The following CDKN2B variants were observed in gnomAD, a reference collection of about 807,000 sequenced individuals.
CDKN2B encodes cyclin-dependent kinase 4 inhibitor B.
In CDKN2B, 8 loss-of-function variants were observed where a neutral mutation model predicts 7.7. The ratio of observed to expected loss-of-function variants is 1.04; its 90% CI spans 0.61 to 1.87. The LOEUF is 1.87. Ranked by LOEUF, CDKN2B falls within the 40% of genes most tolerant of loss-of-function variation. The pLI is 0.00. For missense variants in CDKN2B, 244 were observed against 213.1 expected (o/e 1.15, Z -0.90); for synonymous variants, 93 against 95.8 (o/e 0.97, Z 0.17).
intron 1 of CDKN2B, 105 bp downstream of exon 1, chr9:22,008,693 C>T (rs756160608): frequency 6.2e-7 from 1 of 1,611,036 alleles, no homozygotes; most frequent in Admixed American, 1.7e-5. Flanking sequence ...AACGGAGACT[C>T]CTGTACAAAT....
At position 22,006,804 on chromosome 9, in the gene CDKN2B, C is replaced by G. The variant is rs1184760084; in HGVS notation, c.157-557G>C. Among the ~76,000 whole-genome samples the G allele has an allele frequency of 1.3e-5, 2 of 151,364 alleles. No homozygotes were observed. Among genetic ancestry groups the G allele is most frequent in the East Asian group, 1.9e-4 (1 of 5,150 alleles). On this transcript the variant is annotated intron_variant, in intron 1 of 1. Transcript: ENST00000276925. This position sits in a 1 kb window ranked among gnomAD's most constrained non-coding sequence, Gnocchi z 6.4. ...CTCATAGCAAATCCCGTGCGGAAGG[C>G]TTTTGTTTGTCATGTGTCTGAGCTC...
At position 22,009,053 on chromosome 9, in the gene CDKN2B, C is replaced by G; in HGVS notation, c.-100G>C. 6.4e-7 allele frequency: 1 copy of G among 1,566,060 alleles called. No individual in the cohort carries two copies. The highest frequency in any genetic ancestry group is 1.7e-5 in the Admixed American group (1 of 59,148). On this transcript the variant is annotated 5_prime_UTR_variant, in exon 1 of 2. Coordinates refer to ENST00000276925, the MANE Select transcript of CDKN2B (RefSeq NM_004936.4). The stretch of plus-strand genomic sequence containing the variant: ...TTCCCACGCTGCTCCGGCGCACTCT[C>G]TCCTTCCTAGGAGACCTGGGCTCAG...
chr9:22,009,272 G>A lies in CDKN2B; in HGVS notation c.-319C>T, dbSNP rs1821370502. ...GGCCGCAGGGTGCGGACGCGTCGCG[G>A]AGTCCTCACTGCCCCGCCTCGCTCT... On this transcript the variant is annotated 5_prime_UTR_variant, in exon 1 of 2. Coordinates refer to ENST00000276925, the MANE Select transcript of CDKN2B (RefSeq NM_004936.4). 1 of 513,180 alleles carries A rather than the reference G, an allele frequency of 1.9e-6. No homozygotes were observed. The highest frequency in any genetic ancestry group is 3.6e-5 in the Admixed American group (1 of 28,120). 31.8% of individuals were successfully genotyped at this position (513,180 alleles called of 1,614,324 possible).
At chr9:22,008,353 A>G (rs2131188039) in intron 1 of CDKN2B, among the ~76,000 whole-genome samples, 1 of 152,346 alleles carries the variant, frequency 6.6e-6, no homozygotes, top group Non-Finnish European at 1.5e-5. Context: ...AAACAATACA[A>G]CAGATTTCAT....
In CDKN2B at chr9:22,005,834, G is replaced by T; in HGVS notation, c.*153C>A. 1.0e-6 allele frequency: 1 copy of T among 959,390 alleles called. No homozygotes were observed. Among genetic ancestry groups the T allele is most frequent in the Non-Finnish European group, 1.6e-6 (1 of 635,508 alleles). The allele number at this position is 959,390 out of a possible 1,614,324, so 59.4% of individuals were successfully genotyped here. A position where few individuals can be genotyped will look rare whatever the true frequency, so the allele number is the denominator to read the frequency against. ...AAAAAATGTATGGAAGGTTATTCCC[G>T]GTCGGCTCCTCCTTCCTGTGAGTCT... On this transcript the variant is annotated 3_prime_UTR_variant, in exon 2 of 2. Transcript: ENST00000276925. The surrounding 1 kb of genome is among the most constrained non-coding windows in gnomAD (Gnocchi z 4.9).
In CDKN2B at chr9:22,005,983, G is replaced by A. The variant is rs1016209778; in HGVS notation, c.*4C>T. 2 of 1,601,280 alleles carry A rather than the reference G, an allele frequency of 1.2e-6. No individual in the cohort carries two copies. The highest frequency in any genetic ancestry group is 2.7e-5 in the African/African-American group (2 of 74,916). Reference sequence around the variant, plus strand: ...GTCGTTGTGGGCGGCTGGGGAACCTGGCGTCAGTCCCCCGTGGCTGTGCGC... The same window carrying A: ...GTCGTTGTGGGCGGCTGGGGAACCTAGCGTCAGTCCCCCGTGGCTGTGCGC... On this transcript the variant is annotated 3_prime_UTR_variant, in exon 2 of 2. Coordinates refer to ENST00000276925, the MANE Select transcript of CDKN2B (RefSeq NM_004936.4). The surrounding 1 kb of genome is among the most constrained non-coding windows in gnomAD (Gnocchi z 4.9).
chr9:22,008,442 G>A (rs1821301252), intron 1 of CDKN2B, among the ~76,000 whole-genome samples: 1 of 152,074 alleles, frequency 6.6e-6, no homozygotes, highest in African/African-American at 2.4e-5. Flanking sequence ...TCTAGAATGC[G>A]TAACTTATAC....
At position 22,009,169 on chromosome 9, in the gene CDKN2B, C is replaced by T. The variant is rs894498427; in HGVS notation, c.-216G>A. ...TTAGCTCCGGGCTTTTCCTGGCGCTCAAGAACCAGCGGGCGCGCCTGGATT... is the reference window on the plus strand; with the variant it reads ...TTAGCTCCGGGCTTTTCCTGGCGCTTAAGAACCAGCGGGCGCGCCTGGATT... On this transcript the variant is annotated 5_prime_UTR_variant, in exon 1 of 2. Coordinates refer to ENST00000276925, the MANE Select transcript of CDKN2B (RefSeq NM_004936.4). 1.5e-6 allele frequency: 1 copy of T among 665,022 alleles called. No homozygotes were observed. Among genetic ancestry groups the T allele is most frequent in the Non-Finnish European group, 2.6e-6 (1 of 385,756 alleles). The allele number at this position is 665,022 out of a possible 1,614,324, so 41.2% of individuals were successfully genotyped here. A position where few individuals can be genotyped will look rare whatever the true frequency, so the allele number is the denominator to read the frequency against.
Position 22,005,047 on chromosome 9 carries a change from T to G in CDKN2B, c.*940A>C, listed in dbSNP as rs995143940. On this transcript the variant is annotated 3_prime_UTR_variant, in exon 2 of 2. Coordinates refer to ENST00000276925, the MANE Select transcript of CDKN2B (RefSeq NM_004936.4). The surrounding 1 kb of genome is among the most constrained non-coding windows in gnomAD (Gnocchi z 4.9). The stretch of plus-strand genomic sequence containing the variant: ...TTAAATAAGACAGTTGCTGAACAAC[T>G]AAAAAGTACAAAATATCACAAAATC... The G allele has an allele frequency of 4.3e-6, 1 of 232,936 alleles. No homozygotes were observed. Among genetic ancestry groups the G allele is most frequent in the African/African-American group, 2.2e-5 (1 of 45,220 alleles). 14.4% of individuals were successfully genotyped at this position (232,936 alleles called of 1,614,324 possible). A position where few individuals can be genotyped will look rare whatever the true frequency, so the allele number is the denominator to read the frequency against.
chr9:22,007,335 T>C (rs1376292368), intron 1 of CDKN2B, among the ~76,000 whole-genome samples: 1 of 150,220 alleles, frequency 6.7e-6, no homozygotes, highest in Non-Finnish European at 1.5e-5. Context: ...CTCCAGCCTG[T>C]CCGACAGAGT....
Position 22,003,749 on chromosome 9 carries a change from T to C in CDKN2B, c.*2238A>G, listed in dbSNP as rs1821034897. On this transcript the variant is annotated 3_prime_UTR_variant, in exon 2 of 2. Transcript: ENST00000276925. Reference sequence around the variant, plus strand: ...AAAAATTTGGGTTTTTATAGGTGTGTTGGGGGGGGTTATTCTCCATATTGT... The same window carrying C: ...AAAAATTTGGGTTTTTATAGGTGTGCTGGGGGGGGTTATTCTCCATATTGT... The C allele has an allele frequency of 4.3e-6, 1 of 232,096 alleles. No homozygotes were observed. The highest frequency in any genetic ancestry group is 5.6e-5 in the Admixed American group (1 of 17,758). The allele number at this position is 232,096 out of a possible 1,614,324, so 14.4% of individuals were successfully genotyped here. A position where few individuals can be genotyped will look rare whatever the true frequency, so the allele number is the denominator to read the frequency against.
Position 22,006,096 on chromosome 9 carries a change from C to T in CDKN2B, c.308G>A (p.Gly103Glu), listed in dbSNP as rs1475218156. 1.9e-6 allele frequency: 3 copies of T among 1,608,790 alleles called. No individual in the cohort carries two copies. The East Asian group carries it at 6.7e-5, about 36-fold the overall frequency. ...LDTLVVLHRA[G>E]ARLDVRDAWG... ...GGCATCGCGCACGTCCAGCCGCGCC[C>T]CGGCCCGGTGCAGCACCACCAGCGT... The change falls in exon 2 of 2, where the codon GGG becomes GAG. Residue 103 changes from glycine (G) to glutamate (E), a missense_variant. By Grantham distance (98) the Gly-to-Glu change is moderately conservative. Coordinates refer to ENST00000276925, the MANE Select transcript of CDKN2B (RefSeq NM_004936.4). This position sits in a 1 kb window ranked among gnomAD's most constrained non-coding sequence, Gnocchi z 6.4.
At position 22,008,810 on chromosome 9, in the gene CDKN2B, C is replaced by T. The variant is rs1350895003; in HGVS notation, c.144G>A (p.Arg48=). Residue 48 remains arginine (R), a synonymous_variant, in exon 1 of 2, where the codon AGG becomes AGA. Coordinates refer to ENST00000276925, the MANE Select transcript of CDKN2B (RefSeq NM_004936.4). ...ADPNGVNRFG[R]RAIQVMMMGS... is the part of the protein sequence containing the mutation. ...GGGCCCCAGCTACCTGGATCGCGCG[C>T]CTCCCGAAACGGTTGACTCCGTTGG... The T allele has an allele frequency of 3.1e-6, 5 of 1,605,102 alleles. No homozygotes were observed. In the East Asian group the frequency reaches 9.0e-5, roughly 29 times the overall value.
Position 22,004,150 on chromosome 9 carries a change from G to A in CDKN2B, c.*1837C>T, listed in dbSNP as rs1165805752. ...AATGCATACCTGGTACAGATTATGT[G>A]TCAATAAACATATCCTTTCCCCAAT... On this transcript the variant is annotated 3_prime_UTR_variant, in exon 2 of 2. Coordinates refer to ENST00000276925, the MANE Select transcript of CDKN2B (RefSeq NM_004936.4). The A allele has an allele frequency of 8.6e-6, 2 of 232,286 alleles. No individual in the cohort carries two copies. The highest frequency in any genetic ancestry group is 1.7e-5 in the Non-Finnish European group (2 of 117,572). 14.4% of individuals were successfully genotyped at this position (232,286 alleles called of 1,614,324 possible).
chr9:22,006,842 T>A lies in CDKN2B; in HGVS notation c.157-595A>T, dbSNP rs939323864. Among the ~76,000 whole-genome samples, 28 of 152,060 alleles carry A rather than the reference T, an allele frequency of 1.8e-4. No individual in the cohort carries two copies. Among genetic ancestry groups the A allele is most frequent in the African/African-American group, 6.5e-4 (27 of 41,402 alleles). ...TGTGTCTGAGCTCATAACTGGCTTG[T>A]AGTGTGATAATTTGAGCCAAAGTTG... On this transcript the variant is annotated intron_variant, in intron 1 of 1. Coordinates refer to ENST00000276925, the MANE Select transcript of CDKN2B (RefSeq NM_004936.4). The surrounding 1 kb of genome is among the most constrained non-coding windows in gnomAD (Gnocchi z 6.4).
chr9:22,005,112 A>ATGTGTGTG lies in CDKN2B; in HGVS notation c.*867_*874dup, dbSNP rs3028393. ...CATAAGGGGATTTCCGCATCCTAGC[A>ATGTGTGTG]TGTGTGTGTGTGTGTGTGTGTGTGT... On this transcript the variant is annotated 3_prime_UTR_variant, in exon 2 of 2. Transcript: ENST00000276925. This position sits in a 1 kb window ranked among gnomAD's most constrained non-coding sequence, Gnocchi z 4.9. 0.014 allele frequency: 3,109 copies of ATGTGTGTG among 225,346 alleles called. 42 individuals carry two copies. The highest frequency in any genetic ancestry group is 0.09 in the East Asian group (1,438 of 15,932). The allele number at this position is 225,346 out of a possible 1,614,324, so 14.0% of individuals were successfully genotyped here. A position where few individuals can be genotyped will look rare whatever the true frequency, so the allele number is the denominator to read the frequency against.
chr9:22,008,027 G>T (rs2069422), intron 1 of CDKN2B, among the ~76,000 whole-genome samples: 138,174 of 152,216 alleles, frequency 0.91, 62,721 homozygotes, highest in East Asian at 0.98. Context: ...AGAGTTGTCC[G>T]AGATTGTAAA....
rs1253511104 is a variant in CDKN2B at position 22,006,151 on chromosome 9, G to A, written c.253C>T (p.His85Tyr). Residue 85 changes from histidine (H) to tyrosine (Y), a missense_variant, in exon 2 of 2, where the codon CAT (histidine) becomes TAT (tyrosine). Physicochemically the swap from His to Tyr is moderately conservative, Grantham distance 83. Coordinates refer to ENST00000276925, the MANE Select transcript of CDKN2B (RefSeq NM_004936.4). The surrounding 1 kb of genome is among the most constrained non-coding windows in gnomAD (Gnocchi z 6.4). The part of the protein sequence containing the change: ...ADPATLTRPV[H>Y]DAAREGFLDT... ...AGGAAGCCCTCCCGGGCAGCATCAT[G>A]CACCGGTCGGGTGAGAGTGGCAGGG... 1 of 1,611,694 alleles carries A rather than the reference G, an allele frequency of 6.2e-7. No homozygotes were observed. The highest frequency in any genetic ancestry group is 1.1e-5 in the South Asian group (1 of 91,056).
chr9:22,006,689 T>C lies in CDKN2B; in HGVS notation c.157-442A>G, dbSNP rs1394625383. On this transcript the variant is annotated intron_variant, in intron 1 of 1. Coordinates refer to ENST00000276925, the MANE Select transcript of CDKN2B (RefSeq NM_004936.4). This position sits in a 1 kb window ranked among gnomAD's most constrained non-coding sequence, Gnocchi z 6.4. ...TACAAATATTTATTAGGTAGTCAAC[T>C]ACTGTTTGTTAGAAGTTGGGAGTAA... Among the ~76,000 whole-genome samples, 1 of 152,328 alleles carries C rather than the reference T, an allele frequency of 6.6e-6. No homozygotes were observed. Among genetic ancestry groups the C allele is most frequent in the Non-Finnish European group, 1.5e-5 (1 of 68,028 alleles).
Sources: gnomAD v4.1 joint callset for allele counts (sites outside exome capture counted in the v4.1 genomes callset) on GRCh38, gnomAD v4.1.1 for gene constraint, Gnocchi (gnomAD v3.1) non-coding constraint, MANE v1.5 for transcripts, NCBI Gene and HGNC (gene_info 2026-07-23, HGNC 2026-07-21) for gene names.